The following ETV7 variants were observed in gnomAD, a reference collection of about 807,000 sequenced individuals.
ETV7 encodes transcription factor ETV7.
A neutral mutation model predicts 39.1 loss-of-function variants in ETV7; 43 were observed. The ratio of observed to expected loss-of-function variants is 1.10; its 90% CI spans 0.86 to 1.42. The LOEUF (loss-of-function observed/expected upper bound fraction) is 1.42. Among genes scored for constraint, ETV7 ranks in the 40% most tolerant of loss-of-function variants. The probability of loss-of-function intolerance (pLI) is 0.00; values close to 1 mark genes in which losing one functional copy is unlikely to be tolerated. For synonymous variants in ETV7, 196 were observed against 176.6 expected (o/e 1.11, Z -0.87); for missense variants, 432 against 442.3 (o/e 0.98, Z 0.21).
chr6:36,356,900 C>T (rs55692747), intron 7 of ETV7, among the ~76,000 whole-genome samples: 11,513 of 152,160 alleles, frequency 0.076, 706 homozygotes, highest in African/African-American at 0.16. Flanking sequence ...GGGAAATTTG[C>T]GGGACCCCAT....
chr6:36,371,276 T>G (rs1773002609), intron 5 of ETV7, 54 bp downstream of exon 5: 1 of 1,500,878 alleles, frequency 6.7e-7, no homozygotes, highest in South Asian at 1.2e-5. Flanking sequence ...CTCGTGACTC[T>G]GAGACTCAGA....
At chr6:36,378,249 A>AAC (rs1220920836) in intron 2 of ETV7, among the ~76,000 whole-genome samples, 2 of 151,872 alleles carry the variant, frequency 1.3e-5, no homozygotes, top group South Asian at 2.1e-4. Context: ...GGAAAAAAAA[A>AAC]AAAAAAACCT....
intron 5 of ETV7, among the ~76,000 whole-genome samples, chr6:36,369,442 C>A (rs902798281): frequency 2.0e-5 from 3 of 152,188 alleles, no homozygotes; most frequent in Non-Finnish European, 4.4e-5. Flanking sequence ...GGGCTGGGCC[C>A]CTGACCCCAG....
At chr6:36,356,220 A>G (rs1001983475) in intron 7 of ETV7, among the ~76,000 whole-genome samples, 2 of 147,072 alleles carry the variant, frequency 1.4e-5, no homozygotes, top group African/African-American at 5.2e-5. Context: ...GATTGCATTG[A>G]GCTCAGGAGT....
Position 36,375,986 on chromosome 6 carries a change from G to T in ETV7, c.192C>A (p.Arg64=). Residue 64 remains arginine, a synonymous_variant, in exon 3 of 8, where the codon CGC becomes CGA. Transcript: ENST00000340181. ...GCAGAGAGTACTCCTGCTCTGCCCA[G>T]CGCAGCCAGTGCAGCACGTCCTCCC... ...WSREDVLHWL[R]WAEQEYSLPC... 6.2e-7 allele frequency: 1 copy of T among 1,611,632 alleles called. No homozygotes were observed.
chr6:36,377,290 G>A (rs1032473019), intron 2 of ETV7, among the ~76,000 whole-genome samples: 38 of 152,006 alleles, frequency 2.5e-4, no homozygotes, highest in African/African-American at 2.9e-4. Context: ...GTAAAACCCC[G>A]TCTCTCCAAA....
chr6:36,366,941 C>G lies in ETV7; in HGVS notation c.842G>C (p.Arg281Pro), dbSNP rs771796962. Reference protein sequence around the residue: ...RVNMTYEKMSRALRHYYKLNI... With the variant: ...RVNMTYEKMSPALRHYYKLNI... Reference sequence around the variant, plus strand: ...AAGCTTATAATAGTGGCGCAGGGCACGAGACATCTTCTCGTAGGTCATGTT... The same window carrying G: ...AAGCTTATAATAGTGGCGCAGGGCAGGAGACATCTTCTCGTAGGTCATGTT... Residue 281 changes from arginine to proline, a missense_variant, in exon 7 of 8, where the codon CGT becomes CCT. Physicochemically the swap from Arg to Pro is moderately radical, Grantham distance 103. Transcript: ENST00000340181. 3 of 1,613,998 alleles carry G rather than the reference C, an allele frequency of 1.9e-6. No individual in the cohort carries two copies. The highest frequency in any genetic ancestry group is 2.5e-6 in the Non-Finnish European group (3 of 1,179,998).
intron 3 of ETV7, among the ~76,000 whole-genome samples, chr6:36,375,456 A>G (rs1435142756): frequency 6.6e-6 from 1 of 152,142 alleles, no homozygotes; most frequent in Non-Finnish European, 1.5e-5. Context: ...ATCAAAAGTC[A>G]TATTGGAAGT....
At chr6:36,356,329 A>AAAAC in intron 7 of ETV7, among the ~76,000 whole-genome samples, 1 of 150,878 alleles carries the variant, frequency 6.6e-6, no homozygotes, top group South Asian at 2.2e-4. Flanking sequence ...GTCTCAAAAA[A>AAAAC]AAAAAAAAAA....
At chr6:36,357,979 A>G (rs1412106615) in intron 7 of ETV7, among the ~76,000 whole-genome samples, 1 of 152,102 alleles carries the variant, frequency 6.6e-6, no homozygotes, top group African/African-American at 2.4e-5. Context: ...CAGAAACCAC[A>G]TGAAGGAGAC....
intron 2 of ETV7, among the ~76,000 whole-genome samples, chr6:36,380,398 G>C (rs1169415100): frequency 6.6e-6 from 1 of 152,142 alleles, no homozygotes; most frequent in East Asian, 1.9e-4. Flanking sequence ...CACTCTCCCG[G>C]CCCAGTGGCC....
chr6:36,370,273 G>A (rs1316488771), intron 5 of ETV7, among the ~76,000 whole-genome samples: 1 of 152,124 alleles, frequency 6.6e-6, no homozygotes, highest in Non-Finnish European at 1.5e-5. Context: ...GGTGGTTCAC[G>A]CCTGTAATCC....
chr6:36,375,801 C>T (rs1280771949), intron 3 of ETV7, 70 bp downstream of exon 3: 2 of 1,608,702 alleles, frequency 1.2e-6, no homozygotes, highest in Non-Finnish European at 1.7e-6. Flanking sequence ...CCTGGGCCCC[C>T]CGGGGGTACT....
intron 1 of ETV7, among the ~76,000 whole-genome samples, 187 bp downstream of exon 1, chr6:36,387,349 C>T (rs1773962688): frequency 6.6e-6 from 1 of 151,730 alleles, no homozygotes; most frequent in Admixed American, 6.6e-5. Context: ...GGGCGGTGAC[C>T]CGCGTCTGGA....
At chr6:36,377,650 G>T (rs1307152233) in intron 2 of ETV7, among the ~76,000 whole-genome samples, 1 of 152,124 alleles carries the variant, frequency 6.6e-6, no homozygotes, top group Non-Finnish European at 1.5e-5. Context: ...CACAGGAAAT[G>T]AACTTAATTT....
At chr6:36,359,224 G>A (rs1049193991) in intron 7 of ETV7, among the ~76,000 whole-genome samples, 2 of 152,172 alleles carry the variant, frequency 1.3e-5, no homozygotes, top group Non-Finnish European at 2.9e-5. Flanking sequence ...GCCAAGGTGG[G>A]CAAATCACCT....
chr6:36,363,563 G>A (rs1772604071), downstream of ETV7, among the ~76,000 whole-genome samples: 1 of 152,258 alleles, frequency 6.6e-6, no homozygotes, highest in South Asian at 2.1e-4. Flanking sequence ...AAAGCAGCGT[G>A]GACCCAAAGA....
chr6:36,366,261 C>T lies in ETV7; in HGVS notation c.*384G>A. On this transcript the variant is annotated 3_prime_UTR_variant, in exon 8 of 8. Transcript: ENST00000340181. ...GCCTGGAAGCACTAACACTTTTTCCCATTTCCTGCCTCAGCCCATTTCACA... is the reference window on the plus strand; with the variant it reads ...GCCTGGAAGCACTAACACTTTTTCCTATTTCCTGCCTCAGCCCATTTCACA... 1 of 1,051,560 alleles carries T rather than the reference C, an allele frequency of 9.5e-7. No individual in the cohort carries two copies. Among genetic ancestry groups the T allele is most frequent in the Non-Finnish European group, 1.1e-6 (1 of 870,456 alleles). The allele number at this position is 1,051,560 out of a possible 1,614,324, so 65.1% of individuals were successfully genotyped here.
chr6:36,356,284 A>T (rs566849361), intron 7 of ETV7, among the ~76,000 whole-genome samples: 21 of 144,166 alleles, frequency 1.5e-4, no homozygotes, highest in Admixed American at 2.9e-4. Flanking sequence ...TGATGGCACC[A>T]TTGCACTCCA....
Sources: gnomAD v4.1 joint callset for allele counts (sites outside exome capture counted in the v4.1 genomes callset) on GRCh38, gnomAD v4.1.1 for gene constraint, MANE v1.5 for transcripts, NCBI Gene and HGNC (gene_info 2026-07-23, HGNC 2026-07-21) for gene names.